The following PPP3CA variants were observed in gnomAD, a reference collection of about 807,000 sequenced individuals.
PPP3CA encodes protein phosphatase 3 catalytic subunit alpha.
A neutral mutation model predicts 66.5 loss-of-function variants in PPP3CA; 14 were observed. The observed-to-expected ratio is 0.21, with a 90% CI of 0.14 to 0.33. The LOEUF (loss-of-function observed/expected upper bound fraction) is 0.33, where lower values mean the gene tolerates loss of function less well. PPP3CA is among the 10% of genes least tolerant of loss of function. The probability of loss-of-function intolerance (pLI) is 1.00; values close to 1 mark genes in which losing one functional copy is unlikely to be tolerated. For synonymous variants in PPP3CA, 232 were observed against 226.2 expected, an observed-to-expected ratio of 1.03 and a Z score of -0.23; for missense variants, 317 against 639.5, an observed-to-expected ratio of 0.50 and a Z score of 5.44.
rs181954242 is a variant in PPP3CA, at chr4:101,267,797, G to A, written c.59-71681C>T. Reference sequence around the variant, plus strand: ...CCAAGATGAGATTTGTATTGTGCAAGAATTTATAACCATAGTTTATACACC... The same window carrying A: ...CCAAGATGAGATTTGTATTGTGCAAAAATTTATAACCATAGTTTATACACC... On this transcript the variant is annotated intron_variant, in intron 1 of 13. Coordinates refer to ENST00000394854, the MANE Select transcript of PPP3CA (RefSeq NM_000944.5). 2.0e-3 allele frequency among the ~76,000 whole-genome samples: 300 copies of A among 152,198 alleles called. 2 individuals are homozygous for A. The highest frequency in any genetic ancestry group is 0.014 in the Middle Eastern group (4 of 294).
At chr4:101,121,528 A>ATTT (rs1722030429) in intron 2 of PPP3CA, among the ~76,000 whole-genome samples, 1 of 152,110 alleles carries the variant, frequency 6.6e-6, no homozygotes, top group Admixed American at 6.6e-5. Context: ...CCCTACAGTT[A>ATTT]TATTGTATAT....
At chr4:101,034,232 C>T (rs1056842061) in intron 11 of PPP3CA, among the ~76,000 whole-genome samples, 1 of 152,178 alleles carries the variant, frequency 6.6e-6, no homozygotes, top group African/African-American at 2.4e-5. Flanking sequence ...CTGAGGGGCG[C>T]TGCACTTTCT....
At chr4:101,296,046 G>A (rs887010602) in intron 1 of PPP3CA, among the ~76,000 whole-genome samples, 1 of 152,104 alleles carries the variant, frequency 6.6e-6, no homozygotes, top group Non-Finnish European at 1.5e-5. Context: ...GAATATTACA[G>A]GTCTTTCAAG....
chr4:101,180,874 A>T (rs1293186237), intron 2 of PPP3CA, among the ~76,000 whole-genome samples: 1 of 152,010 alleles, frequency 6.6e-6, no homozygotes, highest in Non-Finnish European at 1.5e-5. Flanking sequence ...CAAAAAAATA[A>T]AATTTAGCAG....
intron 2 of PPP3CA, among the ~76,000 whole-genome samples, chr4:101,186,324 A>G (rs1724407994): frequency 6.6e-6 from 1 of 152,186 alleles, no homozygotes; most frequent in African/African-American, 2.4e-5. Flanking sequence ...TCAGAAAGCA[A>G]TCTAAAGTTG....
chr4:101,143,202 G>A (rs915376778), intron 2 of PPP3CA, among the ~76,000 whole-genome samples: 9 of 151,982 alleles, frequency 5.9e-5, no homozygotes, highest in Non-Finnish European at 1.5e-5. Flanking sequence ...CTTTCCTTAT[G>A]GTCTCAGAAG....
chr4:101,043,121 A>G (rs1215552647), intron 10 of PPP3CA, among the ~76,000 whole-genome samples: 1 of 152,186 alleles, frequency 6.6e-6, no homozygotes, highest in Non-Finnish European at 1.5e-5. Context: ...GCACAACAAG[A>G]AAAGCAGCAT....
chr4:101,068,540 CTTT>C (rs1413762353), intron 8 of PPP3CA, among the ~76,000 whole-genome samples: 3 of 151,966 alleles, frequency 2.0e-5, no homozygotes, highest in Non-Finnish European at 2.9e-5. Context: ...ATAAAGATTA[CTTT>C]TTGGGGGTAC....
chr4:101,181,676 A>G (rs1724239711), intron 2 of PPP3CA, among the ~76,000 whole-genome samples: 1 of 152,114 alleles, frequency 6.6e-6, no homozygotes, highest in African/African-American at 2.4e-5. Context: ...AAAGAAACAC[A>G]TTACAATGAA....
intron 1 of PPP3CA, among the ~76,000 whole-genome samples, chr4:101,294,865 TAAAA>T (rs1048417511): frequency 7.1e-6 from 1 of 140,680 alleles, no homozygotes; most frequent in East Asian, 2.0e-4. Context: ...CAGAAACCAC[TAAAA>T]AAAAAAAATT....
chr4:101,159,040 C>A (rs559462445), intron 2 of PPP3CA, among the ~76,000 whole-genome samples: 2 of 152,156 alleles, frequency 1.3e-5, no homozygotes, highest in Non-Finnish European at 2.9e-5. Context: ...ATTTAATCCT[C>A]ACAGTTCCCT....
chr4:101,228,665 C>A (rs571350010), intron 1 of PPP3CA, among the ~76,000 whole-genome samples: 1 of 151,624 alleles, frequency 6.6e-6, no homozygotes, highest in Non-Finnish European at 1.5e-5. Flanking sequence ...GGATTAGAGG[C>A]ATGTACTGCA....
intron 2 of PPP3CA, among the ~76,000 whole-genome samples, chr4:101,189,697 A>C (rs931497860): frequency 2.0e-5 from 3 of 151,188 alleles, no homozygotes; most frequent in African/African-American, 4.9e-5. Context: ...CAAAAAAAAA[A>C]AAAAAAACAA....
rs11290239 is a variant in PPP3CA, at chr4:101,135,245, C to CA, written c.260-26168dup. Among the ~76,000 whole-genome samples the CA allele has an allele frequency of 9.0e-3, 1,275 of 142,088 alleles. 18 individuals are homozygous for CA. The highest frequency in any genetic ancestry group is 0.025 in the African/African-American group (1,022 of 40,504). 93.2% of individuals were successfully genotyped at this position (142,088 alleles called of 152,430 possible). On this transcript the variant is annotated intron_variant, in intron 2 of 13. Coordinates refer to ENST00000394854, the MANE Select transcript of PPP3CA (RefSeq NM_000944.5). Reference sequence around the variant, plus strand: ...ACAATAAAAAAATTTTAATCCTTCTCAAAAAAAAAAAAAAATCAATATGTG... The same window carrying CA: ...ACAATAAAAAAATTTTAATCCTTCTCAAAAAAAAAAAAAAAATCAATATGTG...
At chr4:101,178,376 C>A (rs1241023652) in intron 2 of PPP3CA, among the ~76,000 whole-genome samples, 1 of 152,022 alleles carries the variant, frequency 6.6e-6, no homozygotes, top group Non-Finnish European at 1.5e-5. Flanking sequence ...TAGCATTAGG[C>A]CTTGATTAAT....
At position 101,032,147 on chromosome 4, in the gene PPP3CA, C is replaced by T. The variant is rs565748923; in HGVS notation, c.1339+120G>A. On this transcript the variant is annotated intron_variant, in intron 12 of 13. Transcript: ENST00000394854. ...ACTGATTGGGGTTTCAGCCCTTCTG[C>T]CAGCTGAGAAGAAGAACCGAAGACC... 9.0e-4 allele frequency: 606 copies of T among 675,908 alleles called. 1 individual carries two copies. Among genetic ancestry groups the T allele is most frequent in the Admixed American group, 1.8e-3 (47 of 26,632 alleles). The allele number at this position is 675,908 out of a possible 1,614,324, so 41.9% of individuals were successfully genotyped here.
intron 3 of PPP3CA, among the ~76,000 whole-genome samples, chr4:101,100,632 T>C (rs543777238): frequency 6.6e-6 from 1 of 152,294 alleles, no homozygotes; most frequent in East Asian, 1.9e-4. Flanking sequence ...TCAACTGACA[T>C]TTGTTAAGAA....
At chr4:101,220,146 T>C (rs2110212923) in intron 1 of PPP3CA, among the ~76,000 whole-genome samples, 1 of 151,930 alleles carries the variant, frequency 6.6e-6, no homozygotes, top group Admixed American at 6.6e-5. Context: ...TACATACGAA[T>C]ATTTTCATAT....
chr4:101,199,175 T>G (rs896578630), intron 1 of PPP3CA, among the ~76,000 whole-genome samples: 10 of 152,226 alleles, frequency 6.6e-5, no homozygotes, highest in Non-Finnish European at 5.9e-5. Context: ...ATTTGCTTTC[T>G]CTATTCACCT....
Sources: allele counts gnomAD v4.1 joint callset (sites outside exome capture counted in the v4.1 genomes callset), GRCh38; gene constraint gnomAD v4.1.1; transcripts MANE v1.5; gene names NCBI Gene and HGNC (gene_info 2026-07-23, HGNC 2026-07-21).